Variants in MND1 observed in about 807,000 individuals in gnomAD.
MND1 encodes the protein meiotic nuclear divisions 1, also known as meiotic nuclear division protein 1 homolog.
MND1 carries 28 observed loss-of-function variants against 35.1 expected under a neutral mutation model. The ratio of observed to expected loss-of-function variants is 0.80; its 90% CI spans 0.59 to 1.09. The LOEUF is 1.09. Ranked by LOEUF, MND1 falls within the 50% of genes least tolerant of loss-of-function variation. The probability of loss-of-function intolerance (pLI) is 0.00; values close to 1 mark genes in which losing one functional copy is unlikely to be tolerated. For synonymous variants in MND1, 69 were observed against 70.5 expected (o/e 0.98, Z 0.11); for missense variants, 213 against 239.6 (o/e 0.89, Z 0.73).
intron 4 of MND1, among the ~76,000 whole-genome samples, chr4:153,392,616 C>A (rs1003464671): frequency 1.2e-4 from 18 of 152,078 alleles, no homozygotes; most frequent in African/African-American, 4.1e-4. Flanking sequence ...ATTATTTGTT[C>A]CCTTGTAGAC....
At position 153,344,758 on chromosome 4, in the gene MND1, G is replaced by A. The variant is rs531084552; in HGVS notation, c.3+18G>A. ...GCGCCATGGTAAGGACTGAGGCTAC[G>A]GTCCCGCGTCTTCTTCCTCCCTAGT... On this transcript the variant is annotated intron_variant, in intron 1 of 7. Coordinates refer to ENST00000240488, the MANE Select transcript of MND1 (RefSeq NM_032117.4). The A allele has an allele frequency of 2.0e-5, 32 of 1,600,694 alleles. No homozygotes were observed. The East Asian group carries it at 5.7e-4, about 29-fold the overall frequency.
At position 153,383,953 on chromosome 4, in the gene MND1, C is replaced by A. The variant is rs569048690; in HGVS notation, c.277-10309C>A. 3.9e-5 allele frequency among the ~76,000 whole-genome samples: 6 copies of A among 152,234 alleles called. No individual in the cohort carries two copies. The East Asian group carries it at 1.2e-3, about 29-fold the overall frequency. Reference sequence around the variant, plus strand: ...ATCTCTGAATTTGTTATAGGAGAACCCATTTCTCAGGTCTAAACAGTCTGT... The same window carrying A: ...ATCTCTGAATTTGTTATAGGAGAACACATTTCTCAGGTCTAAACAGTCTGT... On this transcript the variant is annotated intron_variant, in intron 4 of 7. Transcript: ENST00000240488.
At chr4:153,401,931 G>T (rs193289991) in intron 6 of MND1, among the ~76,000 whole-genome samples, 4 of 152,296 alleles carry the variant, frequency 2.6e-5, no homozygotes, top group Non-Finnish European at 2.9e-5. Flanking sequence ...GAGGCAGGCG[G>T]ATCACTAGGG....
chr4:153,368,194 C>T (rs999085009), intron 4 of MND1, among the ~76,000 whole-genome samples: 1 of 151,992 alleles, frequency 6.6e-6, no homozygotes, highest in African/African-American at 2.4e-5. Flanking sequence ...TGCTTTTATC[C>T]TTTTTGAGAA....
intron 4 of MND1, chr4:153,381,889 A>G (rs989742073): frequency 6.6e-6 from 1 of 150,506 alleles, no homozygotes; most frequent in African/African-American, 2.4e-5. Flanking sequence ...GGAGGTCACC[A>G]TATTGGTGCC....
At chr4:153,388,861 T>C (rs766053128) in intron 4 of MND1, among the ~76,000 whole-genome samples, 7 of 152,160 alleles carry the variant, frequency 4.6e-5, no homozygotes, top group Non-Finnish European at 1.0e-4. Context: ...AGGGTAAGGA[T>C]GGACAGAGAA....
chr4:153,344,803 TC>T, intron 1 of MND1, 63 bp downstream of exon 1: 1 of 1,580,490 alleles, frequency 6.3e-7, no homozygotes, highest in Non-Finnish European at 8.6e-7. Flanking sequence ...TCGCCGCCCC[TC>T]GGCTGCATGT....
chr4:153,355,144 A>G (rs1413872825), intron 2 of MND1, among the ~76,000 whole-genome samples: 1 of 143,922 alleles, frequency 6.9e-6, no homozygotes, highest in Non-Finnish European at 1.5e-5. Context: ...CATCTGGGCC[A>G]TAGAGTGAAA....
chr4:153,376,704 T>G, intron 4 of MND1, among the ~76,000 whole-genome samples: 1 of 152,208 alleles, frequency 6.6e-6, no homozygotes, highest in East Asian at 1.9e-4. Context: ...AATTTATTTT[T>G]GTATTTGTAC....
intron 4 of MND1, among the ~76,000 whole-genome samples, chr4:153,389,881 T>TCACTAA (rs1728972075): frequency 6.6e-6 from 1 of 152,174 alleles, no homozygotes; most frequent in African/African-American, 2.4e-5. Flanking sequence ...CTTGTTTAGT[T>TCACTAA]CACTAATTCT....
intron 1 of MND1, among the ~76,000 whole-genome samples, chr4:153,346,761 A>G (rs1217804089): frequency 6.6e-6 from 1 of 152,206 alleles, no homozygotes; most frequent in Admixed American, 6.5e-5. Context: ...AGGACGCTAG[A>G]TTCTCCTCAT....
At chr4:153,390,919 ATGTG>A (rs149830333) in intron 4 of MND1, among the ~76,000 whole-genome samples, 2,759 of 124,734 alleles carry the variant, frequency 0.022, 70 homozygotes, top group African/African-American at 0.071. Flanking sequence ...GTGTGTGTAT[ATGTG>A]TGTGTGTGTG....
chr4:153,384,756 G>T (rs1728807661), intron 4 of MND1, among the ~76,000 whole-genome samples: 2 of 152,092 alleles, frequency 1.3e-5, no homozygotes, highest in African/African-American at 4.8e-5. Context: ...TACTTATTAA[G>T]TGGCTTCACT....
chr4:153,354,842 G>C (rs781578224), intron 2 of MND1, among the ~76,000 whole-genome samples: 1 of 152,088 alleles, frequency 6.6e-6, no homozygotes, highest in Non-Finnish European at 1.5e-5. Flanking sequence ...TGTTCTTTAT[G>C]TTCTGATCTC....
chr4:153,365,724 C>T (rs555639957), intron 4 of MND1, among the ~76,000 whole-genome samples: 2 of 152,196 alleles, frequency 1.3e-5, no homozygotes, highest in East Asian at 3.9e-4. Context: ...CTCAGCCTCG[C>T]AAAGTTCTGG....
chr4:153,380,167 CAA>C (rs1342281596), intron 4 of MND1, among the ~76,000 whole-genome samples: 1 of 151,976 alleles, frequency 6.6e-6, no homozygotes, highest in Non-Finnish European at 1.5e-5. Context: ...TTTTTAGCCA[CAA>C]ATAACAGAAA....
chr4:153,378,782 C>A (rs1462833023), intron 4 of MND1, among the ~76,000 whole-genome samples: 7 of 152,146 alleles, frequency 4.6e-5, no homozygotes, highest in African/African-American at 1.7e-4. Flanking sequence ...GACTCCTTTG[C>A]TAATTAAATA....
In MND1 at chr4:153,358,541, C is replaced by G; in HGVS notation, c.195C>G (p.Ile65Met). Residue 65 changes from isoleucine (I) to methionine (M), a missense_variant, in exon 4 of 8, where the codon ATC becomes ATG. Physicochemically the swap from Ile to Met is conservative, Grantham distance 10. Coordinates refer to ENST00000240488, the MANE Select transcript of MND1 (RefSeq NM_032117.4). The part of the protein sequence containing the change: ...VDDGMVDCER[I>M]GTSNYYWAFP... ...ATGGTATGGTTGACTGTGAGAGGAT[C>G]GGAACTTCTAATTATTATTGGGCTT... is the stretch of plus-strand genomic sequence containing the variant. The G allele has an allele frequency of 6.2e-7, 1 of 1,613,396 alleles. No homozygotes were observed. Among genetic ancestry groups the G allele is most frequent in the Non-Finnish European group, 8.5e-7 (1 of 1,179,680 alleles).
chr4:153,372,035 C>T (rs1773802058), intron 4 of MND1, among the ~76,000 whole-genome samples: 1 of 152,002 alleles, frequency 6.6e-6, no homozygotes, highest in African/African-American at 2.4e-5. Flanking sequence ...AACGGTGAGT[C>T]ACTGGAGCAG....
Sources: gnomAD v4.1 joint callset for allele counts (sites outside exome capture counted in the v4.1 genomes callset) on GRCh38, gnomAD v4.1.1 for gene constraint, MANE v1.5 for transcripts, NCBI Gene and HGNC (gene_info 2026-07-23, HGNC 2026-07-21) for gene names.